The following TMPRSS3 variants were observed in gnomAD, a reference collection of about 807,000 sequenced individuals.
TMPRSS3 encodes transmembrane protease serine 3.
TMPRSS3 carries 55 observed loss-of-function variants against 59.6 expected under a neutral mutation model. The ratio of observed to expected loss-of-function variants is 0.92; its 90% CI spans 0.74 to 1.16. The LOEUF (loss-of-function observed/expected upper bound fraction) is 1.16, where lower values mean the gene tolerates loss of function less well. Among genes scored for constraint, TMPRSS3 ranks in the 50% most tolerant of loss-of-function variants. The probability of loss-of-function intolerance (pLI) is 0.00; values close to 1 mark genes in which losing one functional copy is unlikely to be tolerated. For synonymous variants in TMPRSS3, 257 were observed against 237.7 expected (o/e 1.08, Z -0.75); for missense variants, 596 against 579.4 (o/e 1.03, Z -0.29).
At chr21:42,394,974 C>A (rs984473966) in intron 2 of TMPRSS3, among the ~76,000 whole-genome samples, 7 of 152,184 alleles carry the variant, frequency 4.6e-5, no homozygotes, top group Non-Finnish European at 1.0e-4. Flanking sequence ...TTCGGAGGGA[C>A]TGGTGGCCAC....
In TMPRSS3 at chr21:42,385,582, T is replaced by C. The variant is rs199795158; in HGVS notation, c.447-48A>G. 3.7e-6 allele frequency: 6 copies of C among 1,611,266 alleles called. No homozygotes were observed. In the African/African-American group the frequency reaches 6.7e-5, roughly 18 times the overall value. On this transcript the variant is annotated intron_variant, in intron 5 of 12. Transcript: ENST00000644384. Reference sequence around the variant, plus strand: ...GACCCGACGTGGTAACTTTACACTTTGAAGCATTCAACCGATGTGCGAGTC... The same window carrying C: ...GACCCGACGTGGTAACTTTACACTTCGAAGCATTCAACCGATGTGCGAGTC...
Position 42,372,112 on chromosome 21 carries a change from T to C in TMPRSS3, c.*650A>G. 2.2e-6 allele frequency: 1 copy of C among 454,310 alleles called. No homozygotes were observed. Among genetic ancestry groups the C allele is most frequent in the South Asian group, 1.6e-5 (1 of 64,480 alleles). 28.1% of individuals were successfully genotyped at this position (454,310 alleles called of 1,614,324 possible). On this transcript the variant is annotated 3_prime_UTR_variant, in exon 13 of 13. Transcript: ENST00000644384. ...TCTGCACTTCTGGGCTGGTGCGTCTTTTCTGAGTGGCTGTTGGTGGCTTTG... is the reference window on the plus strand; with the variant it reads ...TCTGCACTTCTGGGCTGGTGCGTCTCTTCTGAGTGGCTGTTGGTGGCTTTG...
chr21:42,392,417 G>A (rs918127001), intron 2 of TMPRSS3, among the ~76,000 whole-genome samples: 3 of 152,214 alleles, frequency 2.0e-5, no homozygotes, highest in Non-Finnish European at 4.4e-5. Context: ...TGGAGGCTGT[G>A]AGGAACGCAG....
intron 3 of TMPRSS3, among the ~76,000 whole-genome samples, chr21:42,389,428 G>A (rs769873588): frequency 7.9e-5 from 12 of 152,232 alleles, no homozygotes; most frequent in Non-Finnish European, 1.5e-4. Context: ...GAAAGTGAAC[G>A]AAGTGTGGAC....
In TMPRSS3 at chr21:42,382,102, G is replaced by T. The variant is rs774844255; in HGVS notation, c.915C>A (p.Ile305=). The change falls in exon 9 of 13, where the codon ATC becomes ATA. Residue 305 remains isoleucine, a synonymous_variant. Transcript: ENST00000644384. ...GTGGCCCGGCCAGCTTCATAAGGGC[G>T]ATGTCATTGCCCAGCCTCTTTGGCT... is the stretch of plus-strand genomic sequence containing the variant. ...KYKPKRLGND[I]ALMKLAGPLT... 8 of 1,614,104 alleles carry T rather than the reference G, an allele frequency of 5.0e-6. No individual in the cohort carries two copies. The highest frequency in any genetic ancestry group is 6.8e-6 in the Non-Finnish European group (8 of 1,180,040).
chr21:42,395,371 C>A lies in TMPRSS3; in HGVS notation c.47G>T (p.Arg16Leu), dbSNP rs369418733. The A allele has an allele frequency of 2.2e-5, 36 of 1,613,990 alleles. No homozygotes were observed. In the South Asian group the frequency reaches 3.7e-4, roughly 17 times the overall value. ...CAAATCATCAAGGCCAAAAAGCGATCGGAATGAGAAGGGGGCTTCAACAGC... is the reference window on the plus strand; with the variant it reads ...CAAATCATCAAGGCCAAAAAGCGATAGGAATGAGAAGGGGGCTTCAACAGC... ...PPAVEAPFSF[R>L]SLFGLDDLKI... is the part of the protein sequence containing the mutation. The change falls in exon 2 of 13, where the codon CGA (arginine) becomes CTA (leucine). Residue 16 changes from arginine (R) to leucine (L), a missense_variant. Coordinates refer to ENST00000644384, the MANE Select transcript of TMPRSS3 (RefSeq NM_001256317.3).
At chr21:42,395,889 T>C (rs1315118541) in intron 1 of TMPRSS3, 53 bp downstream of exon 1, 4 of 507,476 alleles carry the variant, frequency 7.9e-6, no homozygotes, top group Admixed American at 4.0e-5. Flanking sequence ...ACGCAATTCT[T>C]TCCCTGTGCG....
At chr21:42,381,937 A>G (rs1215972374) in intron 9 of TMPRSS3, 128 bp downstream of exon 9, 1 of 1,191,098 alleles carries the variant, frequency 8.4e-7, no homozygotes, top group African/African-American at 1.5e-5. Context: ...AACATGAATC[A>G]GGAGTTGGAA....
At chr21:42,389,740 G>A (rs780718324) in intron 3 of TMPRSS3, among the ~76,000 whole-genome samples, 187 bp downstream of exon 3, 12 of 152,280 alleles carry the variant, frequency 7.9e-5, no homozygotes, top group Middle Eastern at 3.4e-3. Flanking sequence ...CAGCCCTTGC[G>A]GCACCCCAGA....
intron 10 of TMPRSS3, among the ~76,000 whole-genome samples, chr21:42,379,058 T>A (rs1019078399): frequency 6.6e-6 from 1 of 152,162 alleles, no homozygotes; most frequent in African/African-American, 2.4e-5. Flanking sequence ...CTAATTTTTG[T>A]ATTTTTAGTA....
chr21:42,378,049 G>A (rs1427063044), intron 10 of TMPRSS3, among the ~76,000 whole-genome samples: 3 of 152,234 alleles, frequency 2.0e-5, no homozygotes, highest in Non-Finnish European at 4.4e-5. Context: ...AGAGGAAGGG[G>A]AGCGTAGATT....
intron 2 of TMPRSS3, among the ~76,000 whole-genome samples, chr21:42,392,165 C>A (rs1215623292): frequency 4.6e-5 from 7 of 152,200 alleles, no homozygotes; most frequent in Non-Finnish European, 8.8e-5. Context: ...AGAGCTCTGT[C>A]ATGGAAGAGC....
At position 42,372,800 on chromosome 21, in the gene TMPRSS3, G is replaced by A. The variant is rs201984314; in HGVS notation, c.1345-21C>T. 2.2e-5 allele frequency: 35 copies of A among 1,613,930 alleles called. No homozygotes were observed. In the Admixed American group the frequency reaches 4.8e-4, roughly 22 times the overall value. The stretch of plus-strand genomic sequence containing the variant: ...TCTCTCTATAAATGAAAACAAAGGC[G>A]TTATTGTTTTTAGCACTTCCAGCCA... On this transcript the variant is annotated intron_variant, in intron 12 of 12. Coordinates refer to ENST00000644384, the MANE Select transcript of TMPRSS3 (RefSeq NM_001256317.3).
In TMPRSS3 at chr21:42,388,020, T is replaced by C. The variant is rs1399793192; in HGVS notation, c.446+383A>G. Reference sequence around the variant, plus strand: ...TTGGGGAAGCGTGCATGGACATTGATGTGACCGCCAGGACCAAGCAGGAAA... The same window carrying C: ...TTGGGGAAGCGTGCATGGACATTGACGTGACCGCCAGGACCAAGCAGGAAA... On this transcript the variant is annotated intron_variant, in intron 5 of 12. Transcript: ENST00000644384. This position sits in a 1 kb window ranked among gnomAD's most constrained non-coding sequence, Gnocchi z 5.1. 7.2e-5 allele frequency among the ~76,000 whole-genome samples: 11 copies of C among 152,256 alleles called. No individual in the cohort carries two copies. Among genetic ancestry groups the C allele is most frequent in the Non-Finnish European group, 1.6e-4 (11 of 68,050 alleles).
rs775028939 is a variant in TMPRSS3 at position 42,385,447 on chromosome 21, A to G, written c.534T>C (p.Asp178=). Residue 178 remains aspartate (D), a synonymous_variant, in exon 6 of 13, where the codon GAT becomes GAC. Coordinates refer to ENST00000644384, the MANE Select transcript of TMPRSS3 (RefSeq NM_001256317.3). ...AGTGGTGTAATGCAGTCACCTTGTC[A>G]TCTGGCAAGAGGTGATCGATGGACA... ...EFVSIDHLLP[D]DKVTALHHSV... is the part of the protein sequence containing the mutation. The G allele has an allele frequency of 1.2e-6, 2 of 1,614,118 alleles. No individual in the cohort carries two copies. Among genetic ancestry groups the G allele is most frequent in the African/African-American group, 1.3e-5 (1 of 75,014 alleles).
intron 12 of TMPRSS3, among the ~76,000 whole-genome samples, chr21:42,373,421 C>T (rs924794164): frequency 9.9e-5 from 15 of 152,172 alleles, no homozygotes; most frequent in Admixed American, 7.2e-4. Context: ...CCCCAGGCAT[C>T]GCCGGAGCCA....
At chr21:42,378,768 A>G (rs1343737440) in intron 10 of TMPRSS3, among the ~76,000 whole-genome samples, 1 of 152,040 alleles carries the variant, frequency 6.6e-6, no homozygotes, top group Non-Finnish European at 1.5e-5. Flanking sequence ...CCCAGGATGG[A>G]GTATGATGGC....
At chr21:42,393,355 G>GC (rs1601536278) in intron 2 of TMPRSS3, among the ~76,000 whole-genome samples, 1 of 152,210 alleles carries the variant, frequency 6.6e-6, no homozygotes, top group East Asian at 1.9e-4. Flanking sequence ...AAAGGAAATG[G>GC]TCCCCCACCT....
In TMPRSS3 at chr21:42,372,395, A is replaced by G; in HGVS notation, c.*367T>C. The G allele has an allele frequency of 2.1e-6, 1 of 472,212 alleles. No homozygotes were observed. Among genetic ancestry groups the G allele is most frequent in the Non-Finnish European group, 4.2e-6 (1 of 239,298 alleles). 29.3% of individuals were successfully genotyped at this position (472,212 alleles called of 1,614,324 possible). A position where few individuals can be genotyped will look rare whatever the true frequency, so the allele number is the denominator to read the frequency against. On this transcript the variant is annotated 3_prime_UTR_variant, in exon 13 of 13. Coordinates refer to ENST00000644384, the MANE Select transcript of TMPRSS3 (RefSeq NM_001256317.3). ...GCCAACATGGTGAAACCCTGTCTCT[A>G]CTAAAAATACAAAAATTAGTTGGGT... is the stretch of plus-strand genomic sequence containing the variant.
Sources: allele counts gnomAD v4.1 joint callset (sites outside exome capture counted in the v4.1 genomes callset), GRCh38; gene constraint gnomAD v4.1.1; non-coding constraint Gnocchi (gnomAD v3.1); transcripts MANE v1.5; gene names NCBI Gene and HGNC (gene_info 2026-07-23, HGNC 2026-07-21).